The following FBXL13 variants were observed in gnomAD, a reference collection of about 807,000 sequenced individuals.
FBXL13 encodes F-box and leucine rich repeat protein 13.
In FBXL13, 67 loss-of-function variants were observed where a neutral mutation model predicts 83.6. The ratio of observed to expected loss-of-function variants is 0.80; its 90% CI spans 0.66 to 0.98. The LOEUF (loss-of-function observed/expected upper bound fraction) is 0.98, where lower values mean the gene tolerates loss of function less well. FBXL13 is among the 50% of genes least tolerant of loss of function. FBXL13 has a pLI of 0.00. For missense variants in FBXL13, 822 were observed against 866.5 expected (o/e 0.95, Z 0.64); for synonymous variants, 272 against 299.5 (o/e 0.91, Z 0.95).
chr7:102,826,031 T>C (rs1445218479), intron 18 of FBXL13, among the ~76,000 whole-genome samples: 1 of 152,224 alleles, frequency 6.6e-6, no homozygotes, highest in Non-Finnish European at 1.5e-5. Flanking sequence ...TCATCTCCTT[T>C]GCCATTAATA....
chr7:102,893,713 A>G lies in FBXL13; in HGVS notation c.1009-9401T>C, dbSNP rs560425668. Among the ~76,000 whole-genome samples, 160 of 147,978 alleles carry G rather than the reference A, an allele frequency of 1.1e-3. 2 individuals carry two copies. Among genetic ancestry groups the G allele is most frequent in the African/African-American group, 3.7e-3 (150 of 40,134 alleles). ...AACCTGGGAGGTGGAGCTTGCAGTGAGCCGAGATCACACCACTGCACTCCA... is the reference window on the plus strand; with the variant it reads ...AACCTGGGAGGTGGAGCTTGCAGTGGGCCGAGATCACACCACTGCACTCCA... On this transcript the variant is annotated intron_variant, in intron 11 of 19. Transcript: ENST00000313221.
chr7:102,896,272 CT>C (rs1184905387), intron 11 of FBXL13, among the ~76,000 whole-genome samples: 2 of 152,094 alleles, frequency 1.3e-5, no homozygotes, highest in African/African-American at 4.8e-5. Context: ...AAGGATGCCT[CT>C]AGATATTATG....
intron 1 of FBXL13, among the ~76,000 whole-genome samples, chr7:103,063,538 T>C (rs1798117540): frequency 6.6e-6 from 1 of 152,168 alleles, no homozygotes; most frequent in Non-Finnish European, 1.5e-5. Flanking sequence ...CACAGTTTGC[T>C]ATTTTCTTTT....
intron 8 of FBXL13, among the ~76,000 whole-genome samples, chr7:102,958,883 C>T (rs1158052846): frequency 6.6e-6 from 1 of 151,872 alleles, no homozygotes; most frequent in East Asian, 1.9e-4. Flanking sequence ...AGCATTATAT[C>T]CACATACAGG....
intron 17 of FBXL13, among the ~76,000 whole-genome samples, chr7:102,842,297 T>C (rs761508075): frequency 1.2e-4 from 19 of 152,218 alleles, no homozygotes; most frequent in Admixed American, 2.0e-4. Context: ...TACTGAAATC[T>C]CATGCTTTGA....
intron 6 of FBXL13, among the ~76,000 whole-genome samples, chr7:102,974,097 AC>A (rs1210381881): frequency 1.3e-5 from 2 of 151,914 alleles, no homozygotes; most frequent in African/African-American, 2.4e-5. Context: ...CTCATAAAAA[AC>A]CTGTAAACCT....
intron 6 of FBXL13, among the ~76,000 whole-genome samples, chr7:103,017,727 A>C (rs1420090079): frequency 6.6e-6 from 1 of 152,230 alleles, no homozygotes; most frequent in Non-Finnish European, 1.5e-5. Flanking sequence ...GGTATCAGTG[A>C]TTGAAGATCA....
chr7:102,829,099 C>T (rs908446555), intron 18 of FBXL13, among the ~76,000 whole-genome samples: 3 of 152,180 alleles, frequency 2.0e-5, no homozygotes, highest in Non-Finnish European at 4.4e-5. Flanking sequence ...CAAGTGAACC[C>T]AAGGTTATAA....
At chr7:102,827,547 TTAAG>T (rs996600746) in intron 18 of FBXL13, among the ~76,000 whole-genome samples, 1 of 152,188 alleles carries the variant, frequency 6.6e-6, no homozygotes, top group African/African-American at 2.4e-5. Context: ...TTTTTATACT[TTAAG>T]TTTTAGGGTA....
intron 8 of FBXL13, among the ~76,000 whole-genome samples, chr7:102,939,894 GT>G (rs199710203): frequency 0.029 from 4,269 of 148,296 alleles, 121 homozygotes; most frequent in East Asian, 0.15. Context: ...AAATGTAGTG[GT>G]TTTTTTTTTG....
At chr7:102,822,158 G>A (rs377501801) in exon 19 of FBXL13, 29 of 1,614,144 alleles carry the variant, frequency 1.8e-5, no homozygotes, top group Admixed American at 8.3e-5. Context: ...AAAATGTGCA[G>A]GTAATGGCAT....
At chr7:102,909,817 G>A (rs1814355732) in intron 11 of FBXL13, among the ~76,000 whole-genome samples, 1 of 152,166 alleles carries the variant, frequency 6.6e-6, no homozygotes, top group African/African-American at 2.4e-5. Context: ...GGAAAGGAAG[G>A]GGTCTCTTTT....
rs759671389 is a variant in FBXL13, at chr7:102,883,290, T to C, written c.1388+15A>G. ...AATCAACGTTTCTTGAATATATTAC[T>C]GAATGACTCATTACCTTACACAATT... On this transcript the variant is annotated intron_variant, in intron 14 of 19. Coordinates refer to ENST00000313221, the Ensembl canonical transcript of FBXL13. 2 of 1,603,392 alleles carry C rather than the reference T, an allele frequency of 1.2e-6. No homozygotes were observed. Among genetic ancestry groups the C allele is most frequent in the Non-Finnish European group, 1.7e-6 (2 of 1,176,644 alleles).
intron 17 of FBXL13, among the ~76,000 whole-genome samples, chr7:102,841,008 G>T (rs1179735874): frequency 1.3e-5 from 2 of 152,032 alleles, no homozygotes; most frequent in Non-Finnish European, 2.9e-5. Context: ...AAATTTAACT[G>T]GAATTGATAG....
In FBXL13 at chr7:102,891,687, T is replaced by C. The variant is rs79461175; in HGVS notation, c.1009-7375A>G. Among the ~76,000 whole-genome samples the C allele has an allele frequency of 2.7e-3, 414 of 152,214 alleles. 1 individual carries two copies. Among genetic ancestry groups the C allele is most frequent in the Middle Eastern group, 0.014 (4 of 294 alleles). On this transcript the variant is annotated intron_variant, in intron 11 of 19. Coordinates refer to ENST00000313221, the Ensembl canonical transcript of FBXL13. ...CATTAAAAAAAAATTAATTTTCCAG[T>C]GTGAGTGAGGAACCAGGACACAAGC...
intron 6 of FBXL13, among the ~76,000 whole-genome samples, chr7:103,015,153 T>A (rs1390990640): frequency 6.6e-6 from 1 of 151,962 alleles, no homozygotes; most frequent in Non-Finnish European, 1.5e-5. Context: ...TCTCTTCATG[T>A]TAAAAACCCT....
rs193213817 is a variant in FBXL13 at position 102,932,387 on chromosome 7, T to C, written c.725-454A>G. On this transcript the variant is annotated intron_variant, in intron 8 of 19. Coordinates refer to ENST00000313221, the Ensembl canonical transcript of FBXL13. ...GGATTCTAATTTATCTTTTACTGTA[T>C]TTGCTTTATCACATATCCACCCACT... is the stretch of plus-strand genomic sequence containing the variant. Among the ~76,000 whole-genome samples, 378 of 152,328 alleles carry C rather than the reference T, an allele frequency of 2.5e-3. 3 individuals carry two copies. The highest frequency in any genetic ancestry group is 4.0e-3 in the Non-Finnish European group (273 of 68,028).
intron 16 of FBXL13, among the ~76,000 whole-genome samples, chr7:102,860,884 CATTT>C (rs1806710044): frequency 6.6e-6 from 1 of 151,890 alleles, no homozygotes; most frequent in African/African-American, 2.4e-5. Context: ...ACATTTGCCA[CATTT>C]ATTTAGTTGA....
chr7:102,813,207 T>C (rs1797554612), downstream of FBXL13: 1 of 782,670 alleles, frequency 1.3e-6, no homozygotes, highest in African/African-American at 1.8e-5. Context: ...ATATTTGTAG[T>C]TGGAATAAGA....
Sources: allele counts gnomAD v4.1 joint callset (sites outside exome capture counted in the v4.1 genomes callset), GRCh38; gene constraint gnomAD v4.1.1; transcripts MANE v1.5; gene names NCBI Gene and HGNC (gene_info 2026-07-23, HGNC 2026-07-21).